Variants in TACR3 observed in about 807,000 individuals in gnomAD.
TACR3 encodes the protein neuromedin-K receptor.
TACR3 carries 34 observed loss-of-function variants against 35.0 expected under a neutral mutation model. The ratio of observed to expected loss-of-function variants is 0.97; its 90% CI spans 0.74 to 1.30. The LOEUF (loss-of-function observed/expected upper bound fraction) is 1.30, where lower values mean the gene tolerates loss of function less well. TACR3 is among the 50% of genes most tolerant of loss of function. TACR3 has a pLI of 0.00. For synonymous variants in TACR3, 233 were observed against 221.1 expected, an observed-to-expected ratio of 1.05 and a Z score of -0.48; for missense variants, 558 against 591.7, an observed-to-expected ratio of 0.94 and a Z score of 0.59.
At chr4:103,676,648 G>C (rs1348193936) in intron 1 of TACR3, among the ~76,000 whole-genome samples, 2 of 152,072 alleles carry the variant, frequency 1.3e-5, no homozygotes, top group Non-Finnish European at 2.9e-5. Context: ...ATGGTGCTGG[G>C]ATAACTGGTT....
chr4:103,627,282 A>T (rs1247254455), intron 3 of TACR3, among the ~76,000 whole-genome samples: 1 of 142,216 alleles, frequency 7.0e-6, no homozygotes, highest in African/African-American at 2.6e-5. Flanking sequence ...TTGAGAAGCC[A>T]GGGTGATGGA....
At chr4:103,654,225 C>T (rs1725682530) in intron 3 of TACR3, among the ~76,000 whole-genome samples, 2 of 151,486 alleles carry the variant, frequency 1.3e-5, no homozygotes, top group South Asian at 4.2e-4. Flanking sequence ...ATAAATCATG[C>T]TGCTATAAAG....
In TACR3 at chr4:103,683,202, T is replaced by G. The variant is rs1055793676; in HGVS notation, c.549-24799A>C. Among the ~76,000 whole-genome samples the G allele has an allele frequency of 2.6e-5, 4 of 151,898 alleles. No homozygotes were observed. In the South Asian group the frequency reaches 6.2e-4, roughly 24 times the overall value. On this transcript the variant is annotated intron_variant, in intron 1 of 4. Transcript: ENST00000304883. The stretch of plus-strand genomic sequence containing the variant: ...AATTAAAAAACCTGTGGGATTCAAC[T>G]AAAACAGTACTTGTATGTAAATTTA...
chr4:103,631,609 A>G (rs1432221243), intron 3 of TACR3, among the ~76,000 whole-genome samples: 1 of 152,142 alleles, frequency 6.6e-6, no homozygotes, highest in Non-Finnish European at 1.5e-5. Flanking sequence ...TCAGATTATA[A>G]TCTTTCCTTT....
intron 3 of TACR3, among the ~76,000 whole-genome samples, chr4:103,642,903 C>T (rs1045586010): frequency 5.9e-5 from 9 of 151,596 alleles, no homozygotes; most frequent in African/African-American, 1.7e-4. Context: ...GTATTGTGTT[C>T]GTGTATCAAA....
chr4:103,655,119 T>C (rs569685725), intron 3 of TACR3, among the ~76,000 whole-genome samples: 8 of 152,328 alleles, frequency 5.3e-5, no homozygotes, highest in Middle Eastern at 3.4e-3. Flanking sequence ...TACTTTTTGT[T>C]TTCAAATGCT....
intron 3 of TACR3, among the ~76,000 whole-genome samples, chr4:103,638,568 A>G (rs1315221923): frequency 1.3e-5 from 2 of 152,176 alleles, no homozygotes; most frequent in African/African-American, 4.8e-5. Flanking sequence ...AGCAATGGCA[A>G]CAAAACCCAA....
chr4:103,622,388 C>A (rs1724801875), intron 3 of TACR3, among the ~76,000 whole-genome samples: 1 of 151,938 alleles, frequency 6.6e-6, no homozygotes, highest in Non-Finnish European at 1.5e-5. Context: ...AAGGAAGTGC[C>A]AAGGATACAG....
intron 1 of TACR3, among the ~76,000 whole-genome samples, chr4:103,665,004 G>T (rs1578248870): frequency 6.6e-6 from 1 of 151,508 alleles, no homozygotes; most frequent in South Asian, 2.1e-4. Context: ...GTAGAGATGA[G>T]GATTCACCAT....
At chr4:103,644,161 G>C (rs1725412743) in intron 3 of TACR3, among the ~76,000 whole-genome samples, 1 of 151,766 alleles carries the variant, frequency 6.6e-6, no homozygotes, top group African/African-American at 2.4e-5. Context: ...TAAAGCATGT[G>C]GTATTGGCAA....
At chr4:103,611,661 T>TG (rs1724515517) in intron 3 of TACR3, among the ~76,000 whole-genome samples, 1 of 151,900 alleles carries the variant, frequency 6.6e-6, no homozygotes, top group Non-Finnish European at 1.5e-5. Context: ...TTCCTTTTTT[T>TG]TAACACAGAC....
intron 1 of TACR3, among the ~76,000 whole-genome samples, chr4:103,660,529 A>AACACAC (rs143828536): frequency 0.12 from 18,342 of 150,560 alleles, 1,145 homozygotes; most frequent in South Asian, 0.19. Flanking sequence ...AAGTGTTCTT[A>AACACAC]ACACACACAC....
At chr4:103,696,034 T>C (rs1413450426) in intron 1 of TACR3, among the ~76,000 whole-genome samples, 4 of 152,138 alleles carry the variant, frequency 2.6e-5, no homozygotes, top group African/African-American at 4.8e-5. Flanking sequence ...TATAATTGTA[T>C]CTCTGACAAA....
At chr4:103,679,398 GA>G in intron 1 of TACR3, among the ~76,000 whole-genome samples, 1 of 152,114 alleles carries the variant, frequency 6.6e-6, no homozygotes, top group East Asian at 1.9e-4. Context: ...GTTAGGTGGT[GA>G]AAGTATTCTG....
chr4:103,659,374 C>T (rs76385284), intron 1 of TACR3, among the ~76,000 whole-genome samples: 1 of 152,090 alleles, frequency 6.6e-6, no homozygotes, highest in African/African-American at 2.4e-5. Flanking sequence ...AGCTCAAAAC[C>T]TTCATGTCTC....
At chr4:103,703,253 C>T (rs1722703190) in intron 1 of TACR3, among the ~76,000 whole-genome samples, 1 of 151,788 alleles carries the variant, frequency 6.6e-6, no homozygotes, top group African/African-American at 2.4e-5. Flanking sequence ...ATAAAGTTTG[C>T]CATTTTAACC....
At chr4:103,609,135 G>C (rs1338801393) in intron 3 of TACR3, among the ~76,000 whole-genome samples, 1 of 152,076 alleles carries the variant, frequency 6.6e-6, no homozygotes, top group Non-Finnish European at 1.5e-5. Flanking sequence ...ACAGTGTAAT[G>C]AATATCATAG....
intron 1 of TACR3, among the ~76,000 whole-genome samples, chr4:103,698,536 CTTTTCTTTT>C (rs60397856): frequency 1.3e-5 from 2 of 148,336 alleles, no homozygotes; most frequent in Non-Finnish European, 1.5e-5. Flanking sequence ...AGGATATTTT[CTTTTCTTTT>C]TTTTCTTTTT....
At chr4:103,604,837 T>C (rs1724310389) in intron 3 of TACR3, among the ~76,000 whole-genome samples, 1 of 148,070 alleles carries the variant, frequency 6.8e-6, no homozygotes, top group South Asian at 2.1e-4. Flanking sequence ...TTTTTTTCTT[T>C]TTATTATTAT....
Sources: allele counts gnomAD v4.1 joint callset (sites outside exome capture counted in the v4.1 genomes callset), GRCh38; gene constraint gnomAD v4.1.1; transcripts MANE v1.5; gene names NCBI Gene and HGNC (gene_info 2026-07-23, HGNC 2026-07-21).